Variants in GDPD5 observed in about 807,000 individuals in gnomAD.
GDPD5 encodes the protein glycerophosphodiester phosphodiesterase 2.
Under a neutral mutation model 75.1 loss-of-function variants are expected in GDPD5, and 48 were observed. That is an observed-to-expected ratio of 0.64 (90% confidence interval 0.51 to 0.81). The LOEUF (loss-of-function observed/expected upper bound fraction) is 0.81, where lower values mean the gene tolerates loss of function less well. Among genes scored for constraint, GDPD5 ranks in the 40% least tolerant of loss-of-function variants. GDPD5 has a pLI of 0.00. For missense variants in GDPD5, 706 were observed against 822.6 expected (o/e 0.86, Z 1.73); for synonymous variants, 336 against 339.0 (o/e 0.99, Z 0.10).
chr11:75,514,082 G>A (rs1950589675), intron 1 of GDPD5, among the ~76,000 whole-genome samples: 1 of 152,218 alleles, frequency 6.6e-6, no homozygotes, highest in Non-Finnish European at 1.5e-5. Flanking sequence ...CCCTTGAGCT[G>A]GGTGAGTTCA....
At chr11:75,523,455 T>G (rs1164152804) in intron 1 of GDPD5, among the ~76,000 whole-genome samples, 1 of 152,192 alleles carries the variant, frequency 6.6e-6, no homozygotes, top group Non-Finnish European at 1.5e-5. Context: ...CACACGAGAC[T>G]GGGCCATTAA....
chr11:75,484,250 C>A (rs1040609645), intron 2 of GDPD5, among the ~76,000 whole-genome samples: 1 of 152,176 alleles, frequency 6.6e-6, no homozygotes, highest in Admixed American at 6.5e-5. Flanking sequence ...TGGTTGCGAA[C>A]TTTATCTCGA....
chr11:75,470,164 G>A (rs532028000), intron 3 of GDPD5, among the ~76,000 whole-genome samples: 1 of 152,224 alleles, frequency 6.6e-6, no homozygotes, highest in Non-Finnish European at 1.5e-5. Context: ...AGAGAACAAG[G>A]TTGGGAAACC....
Position 75,441,766 on chromosome 11 carries a change from C to T in GDPD5, c.1205G>A (p.Arg402Gln), listed in dbSNP as rs769012367. 3.2e-5 allele frequency: 51 copies of T among 1,610,962 alleles called. No individual in the cohort carries two copies. The highest frequency in any genetic ancestry group is 1.7e-4 in the Admixed American group (10 of 59,986). Residue 402 changes from arginine (R) to glutamine (Q), a missense_variant, in exon 13 of 17, where the codon CGG becomes CAG. Coordinates refer to ENST00000336898, the MANE Select transcript of GDPD5 (RefSeq NM_030792.8). ...WLPSRQRPLVRKVAPGFQQTS... is the reference protein window; with the variant it reads ...WLPSRQRPLVQKVAPGFQQTS... ...CTGTTGGAAGCCGGGAGCCACCTTC[C>T]GCACCAGGGGCCTCTGCCTGCTAGG...
Position 75,525,545 on chromosome 11 carries a change from C to T in GDPD5, c.-480G>A, listed in dbSNP as rs1398096593. 1 of 152,416 alleles carries T rather than the reference C, an allele frequency of 6.6e-6. No homozygotes were observed. Among genetic ancestry groups the T allele is most frequent in the Non-Finnish European group, 1.5e-5 (1 of 68,140 alleles). 9.4% of individuals were successfully genotyped at this position (152,416 alleles called of 1,614,324 possible). ...CTAGCCCTGGAGCTGGGGTTCCGAC[C>T]CTCACTGACGGAAAGGCGCGGAGCG... On this transcript the variant is annotated 5_prime_UTR_variant, in exon 1 of 17. Transcript: ENST00000336898.
rs148454050 is a variant in GDPD5, at chr11:75,453,906, G to T, written c.375+2851C>A. Among the ~76,000 whole-genome samples, 19 of 152,204 alleles carry T rather than the reference G, an allele frequency of 1.2e-4. No homozygotes were observed. The South Asian group carries it at 3.7e-3, about 30-fold the overall frequency. On this transcript the variant is annotated intron_variant, in intron 6 of 16. Coordinates refer to ENST00000336898, the MANE Select transcript of GDPD5 (RefSeq NM_030792.8). Reference sequence around the variant, plus strand: ...AGAGAAAAAATTAAATGTTAAAAACGTGGAAATATATAATTACCAAGTGAC... The same window carrying T: ...AGAGAAAAAATTAAATGTTAAAAACTTGGAAATATATAATTACCAAGTGAC...
At chr11:75,524,451 C>T (rs1941585340) in intron 1 of GDPD5, among the ~76,000 whole-genome samples, 1 of 152,244 alleles carries the variant, frequency 6.6e-6, no homozygotes, top group African/African-American at 2.4e-5. Flanking sequence ...CAAGGACTCA[C>T]TGGCTTTAGG....
Position 75,434,692 on chromosome 11 carries a change from C to T in GDPD5, c.*815G>A, listed in dbSNP as rs957764674. ...CCAAGGGCCCTAGGTTCCCTCTGTT[C>T]AGGCCCACTTAGCCACACACCCACC... On this transcript the variant is annotated 3_prime_UTR_variant, in exon 17 of 17. Coordinates refer to ENST00000336898, the MANE Select transcript of GDPD5 (RefSeq NM_030792.8). The T allele has an allele frequency of 3.3e-5, 5 of 152,286 alleles. No individual in the cohort carries two copies. Among genetic ancestry groups the T allele is most frequent in the Non-Finnish European group, 7.3e-5 (5 of 68,076 alleles). The allele number at this position is 152,286 out of a possible 1,614,324, so 9.4% of individuals were successfully genotyped here. A position where few individuals can be genotyped will look rare whatever the true frequency, so the allele number is the denominator to read the frequency against.
intron 6 of GDPD5, chr11:75,455,296 C>A (rs1394373826): frequency 1.1e-5 from 5 of 455,236 alleles, no homozygotes; most frequent in Admixed American, 2.3e-5. Context: ...CAAATGCCAG[C>A]TTTGCAGCCA....
chr11:75,509,366 T>C (rs951957337), intron 1 of GDPD5, among the ~76,000 whole-genome samples: 1 of 152,166 alleles, frequency 6.6e-6, no homozygotes, highest in Non-Finnish European at 1.5e-5. Flanking sequence ...GTGTGCGACT[T>C]GTACATAATT....
intron 15 of GDPD5, among the ~76,000 whole-genome samples, chr11:75,439,162 A>G (rs956865292): frequency 6.6e-6 from 1 of 152,186 alleles, no homozygotes. Context: ...CGGCAGTGGG[A>G]CGGGAGGAGC....
At chr11:75,498,771 C>T (rs963093143) in intron 1 of GDPD5, among the ~76,000 whole-genome samples, 19 of 152,264 alleles carry the variant, frequency 1.2e-4, no homozygotes, top group Non-Finnish European at 2.8e-4. Flanking sequence ...GCCTGGGATT[C>T]CCCCTTCTGC....
At chr11:75,476,242 C>T (rs1320421077) in intron 3 of GDPD5, among the ~76,000 whole-genome samples, 1 of 152,118 alleles carries the variant, frequency 6.6e-6, no homozygotes, top group East Asian at 1.9e-4. Context: ...TCTCCCATTT[C>T]AGAGATGGAG....
intron 1 of GDPD5, among the ~76,000 whole-genome samples, chr11:75,517,887 G>C (rs1403016319): frequency 6.6e-6 from 1 of 152,172 alleles, no homozygotes; most frequent in Non-Finnish European, 1.5e-5. Flanking sequence ...TTGGGTGTCC[G>C]GGTTGGAAAA....
chr11:75,519,175 T>A (rs915692163), intron 1 of GDPD5, among the ~76,000 whole-genome samples: 1 of 152,122 alleles, frequency 6.6e-6, no homozygotes, highest in Non-Finnish European at 1.5e-5. Context: ...TGGAGTCCAC[T>A]GGTCCTGGGG....
chr11:75,442,223 C>T (rs756292537), intron 12 of GDPD5, 140 bp downstream of exon 12: 6 of 652,784 alleles, frequency 9.2e-6, no homozygotes, highest in Non-Finnish European at 1.6e-5. Flanking sequence ...ATGACCCTGC[C>T]AGGGAAGTGA....
intron 1 of GDPD5, among the ~76,000 whole-genome samples, chr11:75,522,675 T>G (rs1029351756): frequency 6.6e-6 from 1 of 151,976 alleles, no homozygotes; most frequent in African/African-American, 2.4e-5. Context: ...TGCCCCCCCA[T>G]ATCCAAGACT....
Position 75,525,470 on chromosome 11 carries a change from G to C in GDPD5, c.-405C>G, listed in dbSNP as rs907893608. 8 of 152,502 alleles carry C rather than the reference G, an allele frequency of 5.2e-5. No individual in the cohort carries two copies. Among genetic ancestry groups the C allele is most frequent in the African/African-American group, 1.7e-4 (7 of 41,474 alleles). The allele number at this position is 152,502 out of a possible 1,614,324, so 9.4% of individuals were successfully genotyped here. A position where few individuals can be genotyped will look rare whatever the true frequency, so the allele number is the denominator to read the frequency against. ...GGGTCTCGTGAAGCCAGAGGCTGGG[G>C]GGGTCCGGGGTCCCGTGCACCGGAG... On this transcript the variant is annotated 5_prime_UTR_variant, in exon 1 of 17. Transcript: ENST00000336898.
intron 1 of GDPD5, among the ~76,000 whole-genome samples, chr11:75,518,888 G>A (rs1267381023): frequency 6.6e-6 from 1 of 152,078 alleles, no homozygotes; most frequent in Non-Finnish European, 1.5e-5. Context: ...TTTTTTTAAA[G>A]AGTCCACTCG....
Sources: gnomAD v4.1 joint callset for allele counts (sites outside exome capture counted in the v4.1 genomes callset) on GRCh38, gnomAD v4.1.1 for gene constraint, MANE v1.5 for transcripts, NCBI Gene and HGNC (gene_info 2026-07-23, HGNC 2026-07-21) for gene names.